Variants in MAN2B2 observed in about 807,000 individuals in gnomAD.
The protein encoded by MAN2B2 is epididymis-specific alpha-mannosidase.
MAN2B2 carries 106 observed loss-of-function variants against 117.1 expected under a neutral mutation model. The ratio of observed to expected loss-of-function variants is 0.90; its 90% CI spans 0.77 to 1.06. MAN2B2 has a LOEUF of 1.06. Among genes scored for constraint, MAN2B2 ranks in the 50% least tolerant of loss-of-function variants. The pLI is 0.00. For missense variants in MAN2B2, 1,326 were observed against 1,381.4 expected (o/e 0.96, Z 0.64); for synonymous variants, 544 against 595.1 (o/e 0.91, Z 1.25).
rs1712104201 is a variant in MAN2B2, at chr4:6,620,240, G to A, written c.2932+196G>A. ...AAAGGCTTTGGGTTAGTCTCTGCCT[G>A]CCAGGGCTCCACACAGGCGTGTGTG... On this transcript the variant is annotated intron_variant, in intron 18 of 18. Coordinates refer to ENST00000285599, the MANE Select transcript of MAN2B2 (RefSeq NM_015274.3). 3 of 544,576 alleles carry A rather than the reference G, an allele frequency of 5.5e-6. No homozygotes were observed. The East Asian group carries it at 9.5e-5, about 17-fold the overall frequency. The allele number at this position is 544,576 out of a possible 1,614,324, so 33.7% of individuals were successfully genotyped here.
intron 16 of MAN2B2, among the ~76,000 whole-genome samples, chr4:6,617,072 A>G (rs1012907728): frequency 2.0e-5 from 3 of 152,188 alleles, no homozygotes; most frequent in African/African-American, 7.2e-5. Context: ...CAGGCAAGAG[A>G]GCGTGTGCAG....
chr4:6,619,741 C>T (rs1047854032), intron 17 of MAN2B2, 186 bp from the exon 18 acceptor site: 23 of 615,716 alleles, frequency 3.7e-5, no homozygotes, highest in Non-Finnish European at 6.5e-5. Flanking sequence ...GTAAAGTACA[C>T]GGCCAGTCCT....
At position 6,609,900 on chromosome 4, in the gene MAN2B2, G is replaced by A. The variant is rs775353969; in HGVS notation, c.2109G>A (p.Glu703=). ...TGCTCTGCCACCGGATAGAGCAGGA[G>A]TACCAAGCCGGCCCCCTGGAGCTGA... is the stretch of plus-strand genomic sequence containing the variant. ...GELLCHRIEQ[E]YQAGPLELNR... The change falls in exon 13 of 19, where the codon GAG becomes GAA. Residue 703 remains glutamate (E), a synonymous_variant. Transcript: ENST00000285599. 29 of 1,614,052 alleles carry A rather than the reference G, an allele frequency of 1.8e-5. No homozygotes were observed. The highest frequency in any genetic ancestry group is 2.4e-5 in the Non-Finnish European group (28 of 1,180,040).
chr4:6,610,038 C>T lies in MAN2B2; in HGVS notation c.2247C>T (p.Asn749=). ...GGCCCTACGTTTCCTATGTGAACAA[C>T]AGCATCGCCCGGGTATGTCCTGCAA... ...QRRPYVSYVN[N]SIARNYYPMV... is the part of the protein sequence containing the mutation. Residue 749 remains asparagine (N), a synonymous_variant, in exon 13 of 19, where the codon AAC becomes AAT. Transcript: ENST00000285599. 1 of 1,614,148 alleles carries T rather than the reference C, an allele frequency of 6.2e-7. No individual in the cohort carries two copies. Among genetic ancestry groups the T allele is most frequent in the Non-Finnish European group, 8.5e-7 (1 of 1,180,004 alleles).
intron 6 of MAN2B2, 80 bp from the exon 7 acceptor site, chr4:6,594,454 G>A (rs1426310849): frequency 3.5e-6 from 5 of 1,421,324 alleles, no homozygotes; most frequent in Admixed American, 3.5e-5. Flanking sequence ...GGCAGCTGGT[G>A]GAGGGCAGCG....
chr4:6,578,113 C>T (rs557664935), intron 2 of MAN2B2, among the ~76,000 whole-genome samples: 12 of 152,028 alleles, frequency 7.9e-5, no homozygotes, highest in Non-Finnish European at 1.6e-4. Flanking sequence ...TTGTTCTATT[C>T]CTGAAACTTT....
chr4:6,591,695 T>G (rs767056159), intron 5 of MAN2B2, among the ~76,000 whole-genome samples: 18 of 152,092 alleles, frequency 1.2e-4, no homozygotes, highest in Non-Finnish European at 2.4e-4. Context: ...AAGAAGCACA[T>G]GGGATTTTAG....
At chr4:6,579,168 CCACCACCACCAT>C (rs1726251064) in intron 3 of MAN2B2, among the ~76,000 whole-genome samples, 1 of 73,794 alleles carries the variant, frequency 1.4e-5, no homozygotes, top group African/African-American at 4.7e-5. Flanking sequence ...ATCACCACCA[CCACCACCACCAT>C]CACCATCACC....
chr4:6,576,791 T>C, intron 2 of MAN2B2, 67 bp downstream of exon 2: 1 of 1,591,642 alleles, frequency 6.3e-7, no homozygotes, highest in South Asian at 1.1e-5. Context: ...GAAAACTCAA[T>C]GGGGCAGTTC....
At chr4:6,595,266 C>T (rs930331094) in intron 7 of MAN2B2, among the ~76,000 whole-genome samples, 2 of 152,188 alleles carry the variant, frequency 1.3e-5, no homozygotes, top group African/African-American at 4.8e-5. Flanking sequence ...AGTCATGAAA[C>T]CACCCTGTCT....
chr4:6,617,403 G>A lies in MAN2B2; in HGVS notation c.2725G>A (p.Asp909Asn). 6.2e-7 allele frequency: 1 copy of A among 1,614,110 alleles called. No homozygotes were observed. The stretch of plus-strand genomic sequence containing the variant: ...AGGCCATCGAGGGGAAGCCCAGGCT[G>A]ACCTCCGCCGTGTCCTGCTGCGGCT... ...RKGHRGEAQA[D>N]LRRVLLRLYH... The change falls in exon 17 of 19, where the codon GAC becomes AAC. Residue 909 changes from aspartate to asparagine, a missense_variant. Physicochemically the swap from Asp to Asn is conservative, Grantham distance 23. Transcript: ENST00000285599.
chr4:6,611,060 G>A (rs1034578537), intron 14 of MAN2B2, 26 bp from the exon 15 acceptor site: 3 of 1,611,754 alleles, frequency 1.9e-6, no homozygotes, highest in African/African-American at 1.3e-5. Context: ...TGCAAGCCGG[G>A]CCTCTCGGAC....
At chr4:6,578,542 A>T in intron 3 of MAN2B2, 44 bp downstream of exon 3, 1 of 1,534,574 alleles carries the variant, frequency 6.5e-7, no homozygotes, top group Non-Finnish European at 9.0e-7. Flanking sequence ...CAGGACCTCC[A>T]GTGGGGCTGG....
chr4:6,579,062 A>C (rs1240753055), intron 3 of MAN2B2, among the ~76,000 whole-genome samples: 2 of 80,436 alleles, frequency 2.5e-5, no homozygotes, highest in African/African-American at 6.5e-5. Flanking sequence ...CACCACCACC[A>C]TCACCATCAC....
chr4:6,618,837 T>C (rs1712022264), intron 17 of MAN2B2: 1 of 152,314 alleles, frequency 6.6e-6, no homozygotes, highest in Non-Finnish European at 1.5e-5. Context: ...CATGATGTCT[T>C]ACTGGGCCAC....
At chr4:6,604,096 G>A (rs1727438100) in intron 10 of MAN2B2, among the ~76,000 whole-genome samples, 1 of 152,178 alleles carries the variant, frequency 6.6e-6, no homozygotes, top group African/African-American at 2.4e-5. Context: ...CCAGGTGGAG[G>A]GCACAGCGTG....
At chr4:6,606,407 G>A (rs2108751599) in intron 11 of MAN2B2, among the ~76,000 whole-genome samples, 1 of 152,380 alleles carries the variant, frequency 6.6e-6, no homozygotes, top group East Asian at 1.9e-4. Context: ...AGGAGCTGCA[G>A]AAATGGGAGA....
chr4:6,579,081 C>T (rs796172693), intron 3 of MAN2B2, among the ~76,000 whole-genome samples: 13 of 71,586 alleles, frequency 1.8e-4, no homozygotes, highest in Middle Eastern at 7.0e-3. Context: ...ACCACCACCA[C>T]CACCATCACC....
At chr4:6,591,960 A>G (rs2108741931) in intron 5 of MAN2B2, among the ~76,000 whole-genome samples, 1 of 152,174 alleles carries the variant, frequency 6.6e-6, no homozygotes, top group East Asian at 1.9e-4. Context: ...TACAGAAGGA[A>G]AAACTGAGGC....
Sources: gnomAD v4.1 joint callset for allele counts (sites outside exome capture counted in the v4.1 genomes callset) on GRCh38, gnomAD v4.1.1 for gene constraint, MANE v1.5 for transcripts, NCBI Gene and HGNC (gene_info 2026-07-23, HGNC 2026-07-21) for gene names.